The following LINGO2 variants were observed in gnomAD, a reference collection of about 807,000 sequenced individuals.
LINGO2 encodes leucine rich repeat and Ig domain containing 2, also known as leucine-rich repeat and immunoglobulin-like domain-containing nogo receptor-interacting protein 2.
Under a neutral mutation model 30.6 loss-of-function variants are expected in LINGO2, and 14 were observed. The observed-to-expected ratio is 0.46, with a 90% CI of 0.30 to 0.72. The LOEUF (loss-of-function observed/expected upper bound fraction) is 0.72, where lower values mean the gene tolerates loss of function less well. Ranked by LOEUF, LINGO2 falls within the 30% of genes least tolerant of loss-of-function variation. LINGO2 has a pLI of 0.07. For synonymous variants in LINGO2, 317 were observed against 288.5 expected (o/e 1.10, Z -1.00); for missense variants, 729 against 751.7 (o/e 0.97, Z 0.35).
At chr9:28,023,425 G>A (rs1032030412) in intron 4 of LINGO2, among the ~76,000 whole-genome samples, 29 of 152,152 alleles carry the variant, frequency 1.9e-4, no homozygotes, top group Non-Finnish European at 3.8e-4. Context: ...TAGAATCTAT[G>A]CCTGGCAGTT....
chr9:28,904,868 C>G, the LINGO2 span, among the ~76,000 whole-genome samples: 1 of 151,796 alleles, frequency 6.6e-6, no homozygotes, highest in Non-Finnish European at 1.5e-5. Context: ...CACAAAAGAC[C>G]TGGAAGAGTC....
the LINGO2 span, among the ~76,000 whole-genome samples, chr9:29,200,018 A>G: frequency 2.6e-5 from 4 of 152,156 alleles, no homozygotes; most frequent in African/African-American, 7.2e-5. Flanking sequence ...AAATTATCAC[A>G]TATCACCAAG....
At chr9:28,913,907 A>T in the LINGO2 span, among the ~76,000 whole-genome samples, 1 of 152,164 alleles carries the variant, frequency 6.6e-6, no homozygotes, top group Non-Finnish European at 1.5e-5. Flanking sequence ...CAGAGAGCAC[A>T]TGATTTTTTA....
chr9:28,258,894 A>C (rs1822470254), intron 4 of LINGO2, among the ~76,000 whole-genome samples: 1 of 150,966 alleles, frequency 6.6e-6, no homozygotes, highest in Admixed American at 6.6e-5. Flanking sequence ...CTGACTTTTC[A>C]AATGGTGCAG....
At chr9:28,007,452 G>C (rs7028847) in intron 5 of LINGO2, among the ~76,000 whole-genome samples, 96,585 of 151,634 alleles carry the variant, frequency 0.64, 32,342 homozygotes, top group Non-Finnish European at 0.74. Context: ...CTCCAAAAAT[G>C]AACAGTAAAT....
chr9:28,494,193 T>A (rs1819493324), intron 1 of LINGO2, among the ~76,000 whole-genome samples: 1 of 152,128 alleles, frequency 6.6e-6, no homozygotes, highest in Non-Finnish European at 1.5e-5. Context: ...CACAATTACC[T>A]TTGTATCAAC....
At chr9:28,703,834 A>G in the LINGO2 span, among the ~76,000 whole-genome samples, 1 of 151,972 alleles carries the variant, frequency 6.6e-6, no homozygotes, top group Non-Finnish European at 1.5e-5. Context: ...TAGTATAGGT[A>G]CCTTATAATA....
the LINGO2 span, among the ~76,000 whole-genome samples, chr9:28,824,461 G>C: frequency 2.6e-5 from 4 of 152,074 alleles, no homozygotes; most frequent in Non-Finnish European, 5.9e-5. Context: ...TAGAAATTAG[G>C]CATGTCATTT....
chr9:29,063,831 C>T, the LINGO2 span, among the ~76,000 whole-genome samples: 1 of 151,978 alleles, frequency 6.6e-6, no homozygotes, highest in Non-Finnish European at 1.5e-5. Context: ...AATATCTATA[C>T]TAGTATACTG....
intron 4 of LINGO2, among the ~76,000 whole-genome samples, chr9:28,026,975 T>G (rs1446388025): frequency 6.6e-6 from 1 of 152,138 alleles, no homozygotes; most frequent in East Asian, 1.9e-4. Context: ...TCTTCATAGC[T>G]TATTGTAGTT....
chr9:28,297,914 C>A (rs184863623), intron 3 of LINGO2, among the ~76,000 whole-genome samples: 2 of 152,036 alleles, frequency 1.3e-5, no homozygotes, highest in Non-Finnish European at 2.9e-5. Flanking sequence ...TTTGTGTGTG[C>A]GGGGGTAGGG....
chr9:27,957,987 A>G (rs1458309312), intron 5 of LINGO2, among the ~76,000 whole-genome samples: 3 of 152,184 alleles, frequency 2.0e-5, no homozygotes, highest in Non-Finnish European at 4.4e-5. Flanking sequence ...CCTCTTGTAC[A>G]ATGTCAAATA....
chr9:28,908,907 C>G, the LINGO2 span, among the ~76,000 whole-genome samples: 13 of 151,712 alleles, frequency 8.6e-5, no homozygotes, highest in Admixed American at 1.3e-4. Flanking sequence ...ATTTTTGATA[C>G]TCTGTCTTGT....
At chr9:29,050,316 G>A in the LINGO2 span, among the ~76,000 whole-genome samples, 6 of 150,922 alleles carry the variant, frequency 4.0e-5, no homozygotes, top group Admixed American at 2.0e-4. Context: ...TAGCCACCAC[G>A]CCCAGCCTTA....
chr9:27,948,762 G>T lies in LINGO2; in HGVS notation c.*89C>A, dbSNP rs1178093352. The T allele has an allele frequency of 2.8e-6, 4 of 1,431,842 alleles. No homozygotes were observed. In the Admixed American group the frequency reaches 9.0e-5, roughly 32 times the overall value. The allele number at this position is 1,431,842 out of a possible 1,614,324, so 88.7% of individuals were successfully genotyped here. A position where few individuals can be genotyped will look rare whatever the true frequency, so the allele number is the denominator to read the frequency against. On this transcript the variant is annotated 3_prime_UTR_variant, in exon 6 of 6. Transcript: ENST00000379992. ...TTTGATACAGGGGCAGCTGCACATG[G>T]CTGCCTCTTAATCTAGTAATTTACT... is the stretch of plus-strand genomic sequence containing the variant.
chr9:27,983,110 T>C (rs1321934691), intron 5 of LINGO2, among the ~76,000 whole-genome samples: 1 of 151,894 alleles, frequency 6.6e-6, no homozygotes, highest in Non-Finnish European at 1.5e-5. Flanking sequence ...CTATTAATAA[T>C]TGTATACATA....
the LINGO2 span, among the ~76,000 whole-genome samples, chr9:29,129,621 C>CA: frequency 6.6e-6 from 1 of 151,782 alleles, no homozygotes; most frequent in African/African-American, 2.4e-5. Flanking sequence ...TGAAATGTGC[C>CA]AAAAAAGATG....
intron 1 of LINGO2, among the ~76,000 whole-genome samples, chr9:28,636,926 G>T (rs2135912192): frequency 6.6e-6 from 1 of 152,216 alleles, no homozygotes; most frequent in African/African-American, 2.4e-5. Context: ...TATTCCTTAG[G>T]TTTTCTTCTA....
the LINGO2 span, among the ~76,000 whole-genome samples, chr9:28,797,351 T>TAGAGAGAGAG: frequency 2.7e-3 from 169 of 62,402 alleles, 1 homozygote; most frequent in Non-Finnish European, 3.8e-3. Flanking sequence ...TATATATATA[T>TAGAGAGAGAG]ATATATATAG....
Sources: allele counts gnomAD v4.1 joint callset (sites outside exome capture counted in the v4.1 genomes callset), GRCh38; gene constraint gnomAD v4.1.1; transcripts MANE v1.5; gene names NCBI Gene and HGNC (gene_info 2026-07-23, HGNC 2026-07-21).